KPNA6: variants seen among roughly 807,000 people sequenced by gnomAD.
KPNA6 encodes importin subunit alpha-7.
In KPNA6, 9 loss-of-function variants were observed where a neutral mutation model predicts 72.0. That is an observed-to-expected ratio of 0.13 (90% CI 0.08 to 0.22). KPNA6 has a LOEUF of 0.22. KPNA6 is among the 10% of genes least tolerant of loss of function. KPNA6 has a pLI of 1.00. For missense variants in KPNA6, 374 were observed against 655.7 expected (o/e 0.57, Z 4.69); for synonymous variants, 219 against 242.1 (o/e 0.90, Z 0.89).
intron 10 of KPNA6, 128 bp from the exon 11 acceptor site, chr1:32,165,977 G>T: frequency 9.9e-7 from 1 of 1,012,114 alleles, no homozygotes; most frequent in African/African-American, 1.7e-5. Flanking sequence ...CAGCCTGGGC[G>T]TCAGAGCGAG....
At chr1:32,161,066 A>AG (rs1410521307) in intron 7 of KPNA6, among the ~76,000 whole-genome samples, 1 of 152,000 alleles carries the variant, frequency 6.6e-6, no homozygotes, top group African/African-American at 2.4e-5. Context: ...TGAGGCAGGG[A>AG]GGATCACCTG....
Position 32,123,927 on chromosome 1 carries a change from A to AG in KPNA6, c.4+15795dup, listed in dbSNP as rs1467486370. Reference sequence around the variant, plus strand: ...TGTGCACCAGTAGTCCCAGCTACTCAGGAGGCTGAGGCAGGAGAATTGCTT... The same window carrying AG: ...TGTGCACCAGTAGTCCCAGCTACTCAGGGAGGCTGAGGCAGGAGAATTGCTT... On this transcript the variant is annotated intron_variant, in intron 1 of 13. Transcript: ENST00000373625. Among the ~76,000 whole-genome samples, 3 of 149,746 alleles carry AG rather than the reference A, an allele frequency of 2.0e-5. No homozygotes were observed. In the East Asian group the frequency reaches 5.9e-4, roughly 30 times the overall value.
intron 11 of KPNA6, among the ~76,000 whole-genome samples, chr1:32,166,794 C>T (rs942783594): frequency 2.9e-4 from 43 of 147,414 alleles, no homozygotes; most frequent in African/African-American, 1.0e-3. Flanking sequence ...AAAAATTAGC[C>T]GGGCGTGGTG....
intron 1 of KPNA6, among the ~76,000 whole-genome samples, chr1:32,121,793 T>C (rs183023001): frequency 6.6e-5 from 10 of 151,570 alleles, no homozygotes; most frequent in African/African-American, 2.2e-4. Context: ...GCCAACATGG[T>C]GAAACCCCAG....
intron 1 of KPNA6, chr1:32,142,844 TA>T: frequency 1.3e-6 from 1 of 787,694 alleles, no homozygotes; most frequent in Non-Finnish European, 1.7e-6. Context: ...CCTTCCAATC[TA>T]ACCTCCCTTG....
intron 1 of KPNA6, among the ~76,000 whole-genome samples, chr1:32,119,971 C>T (rs1641403703): frequency 6.6e-6 from 1 of 151,612 alleles, no homozygotes; most frequent in African/African-American, 2.4e-5. Flanking sequence ...CTTCTGACCT[C>T]GTGATTCACC....
intron 12 of KPNA6, among the ~76,000 whole-genome samples, chr1:32,169,106 C>G (rs1427145038): frequency 6.7e-6 from 1 of 149,482 alleles, no homozygotes; most frequent in Non-Finnish European, 1.5e-5. Context: ...GTGGCTCACA[C>G]CTGTAATCCC....
chr1:32,114,112 A>G (rs1048137185), intron 1 of KPNA6, among the ~76,000 whole-genome samples: 12 of 152,126 alleles, frequency 7.9e-5, no homozygotes, highest in Non-Finnish European at 1.6e-4. Flanking sequence ...TGGATTCTGT[A>G]TAGCTACAGA....
At chr1:32,140,710 G>A (rs1641821263) in intron 1 of KPNA6, among the ~76,000 whole-genome samples, 1 of 152,158 alleles carries the variant, frequency 6.6e-6, no homozygotes, top group African/African-American at 2.4e-5. Context: ...ACAAGTGTCT[G>A]GTTCTCAGTA....
In KPNA6 at chr1:32,173,172, T is replaced by TAAA; in HGVS notation, c.*2278_*2279insAAA. The TAAA allele has an allele frequency of 2.9e-6, 1 of 349,776 alleles. No individual in the cohort carries two copies. The highest frequency in any genetic ancestry group is 4.1e-5 in the East Asian group (1 of 24,628). 21.7% of individuals were successfully genotyped at this position (349,776 alleles called of 1,614,324 possible). ...CATTAAAAAACCATTCTCTTACAGT[T>TAAA]TAAAAAAAAAAAAAAAAAAAAAGCC... On this transcript the variant is annotated 3_prime_UTR_variant, in exon 14 of 14. Coordinates refer to ENST00000373625, the MANE Select transcript of KPNA6 (RefSeq NM_012316.5).
At chr1:32,133,668 A>G (rs2124537593) in intron 1 of KPNA6, among the ~76,000 whole-genome samples, 1 of 152,236 alleles carries the variant, frequency 6.6e-6, no homozygotes. Context: ...TGTATGACAG[A>G]GCAAAAACCT....
chr1:32,138,400 G>A (rs1283324342), intron 1 of KPNA6, among the ~76,000 whole-genome samples: 2 of 151,898 alleles, frequency 1.3e-5, no homozygotes, highest in South Asian at 2.1e-4. Flanking sequence ...AAAATTAGCC[G>A]GGCGTGGTGG....
intron 1 of KPNA6, among the ~76,000 whole-genome samples, chr1:32,154,303 A>AG (rs1424255682): frequency 6.6e-6 from 1 of 152,166 alleles, no homozygotes; most frequent in Non-Finnish European, 1.5e-5. Context: ...GCTAACAAGT[A>AG]GAAGGGTCAG....
intron 1 of KPNA6, among the ~76,000 whole-genome samples, chr1:32,148,905 G>A (rs1326078833): frequency 6.6e-6 from 1 of 151,784 alleles, no homozygotes; most frequent in Non-Finnish European, 1.5e-5. Context: ...TGTTGCCTAG[G>A]CTGGTCTCAA....
chr1:32,152,214 C>G (rs1185438651), intron 1 of KPNA6, among the ~76,000 whole-genome samples: 2 of 152,104 alleles, frequency 1.3e-5, no homozygotes, highest in Non-Finnish European at 2.9e-5. Context: ...AGCCTGTAGT[C>G]CCAGCTACTC....
Position 32,133,408 on chromosome 1 carries a change from C to T in KPNA6, c.5-21180C>T, listed in dbSNP as rs1000598879. 2.9e-4 allele frequency among the ~76,000 whole-genome samples: 42 copies of T among 147,202 alleles called. 1 individual carries two copies. The Admixed American group carries it at 3.0e-3, about 10-fold the overall frequency. On this transcript the variant is annotated intron_variant, in intron 1 of 13. Coordinates refer to ENST00000373625, the MANE Select transcript of KPNA6 (RefSeq NM_012316.5). ...ACAAAGTGCTGAAAGAGGCCAGGTG[C>T]AGTGGTTCATACCTGTAATCCAGCA... is the stretch of plus-strand genomic sequence containing the variant.
intron 1 of KPNA6, among the ~76,000 whole-genome samples, chr1:32,128,841 T>C (rs951025261): frequency 6.6e-6 from 1 of 152,168 alleles, no homozygotes; most frequent in Non-Finnish European, 1.5e-5. Context: ...TCTTCAAATC[T>C]AACCCACTTT....
chr1:32,115,360 G>T (rs922630972), intron 1 of KPNA6, among the ~76,000 whole-genome samples: 7 of 151,982 alleles, frequency 4.6e-5, no homozygotes, highest in African/African-American at 1.7e-4. Flanking sequence ...GGATGGTCTC[G>T]ATCTCCTGAC....
intron 9 of KPNA6, 139 bp downstream of exon 9, chr1:32,162,663 C>T (rs77793895): frequency 3.4e-5 from 28 of 814,394 alleles, no homozygotes; most frequent in East Asian, 8.4e-5. Context: ...GGTGAAACCC[C>T]GTCTCTACTA....
Sources: allele counts gnomAD v4.1 joint callset (sites outside exome capture counted in the v4.1 genomes callset), GRCh38; gene constraint gnomAD v4.1.1; transcripts MANE v1.5; gene names NCBI Gene and HGNC (gene_info 2026-07-23, HGNC 2026-07-21).